RALGPS1: variants seen among roughly 807,000 people sequenced by gnomAD.
The protein encoded by RALGPS1 is ras-specific guanine nucleotide-releasing factor RalGPS1.
A neutral mutation model predicts 78.8 loss-of-function variants in RALGPS1; 19 were observed. That is an observed-to-expected ratio of 0.24 (90% CI 0.17 to 0.35). RALGPS1 has a LOEUF of 0.35. RALGPS1 is among the 10% of genes least tolerant of loss of function. RALGPS1 has a pLI of 1.00. For synonymous variants in RALGPS1, 228 were observed against 256.3 expected (o/e 0.89, Z 1.06); for missense variants, 454 against 688.3 (o/e 0.66, Z 3.81).
intron 18 of RALGPS1, among the ~76,000 whole-genome samples, chr9:127,215,109 AT>A (rs2062500812): frequency 6.6e-6 from 1 of 152,220 alleles, no homozygotes; most frequent in Admixed American, 6.5e-5. Flanking sequence ...CTGGGGGATG[AT>A]TATGAGCAGC....
chr9:127,089,218 A>C, intron 8 of RALGPS1: 2 of 1,485,408 alleles, frequency 1.3e-6, no homozygotes, highest in Non-Finnish European at 1.9e-6. Flanking sequence ...GCTTTCGGCA[A>C]AGCCCTCTCT....
chr9:126,965,325 C>T (rs2039369250), intron 2 of RALGPS1, among the ~76,000 whole-genome samples: 1 of 152,182 alleles, frequency 6.6e-6, no homozygotes, highest in South Asian at 2.1e-4. Context: ...CAATTTCCTG[C>T]AGTGACTTCA....
chr9:127,194,594 G>A (rs1363762042), intron 11 of RALGPS1, among the ~76,000 whole-genome samples: 1 of 152,142 alleles, frequency 6.6e-6, no homozygotes, highest in Admixed American at 6.5e-5. Flanking sequence ...TGTATTTTTA[G>A]TAGAGATGGG....
At chr9:127,215,011 A>G (rs990353148) in intron 18 of RALGPS1, among the ~76,000 whole-genome samples, 169 bp downstream of exon 18, 1 of 152,204 alleles carries the variant, frequency 6.6e-6, no homozygotes, top group African/African-American at 2.4e-5. Flanking sequence ...CCCCTTGCTC[A>G]GCTTAGAACT....
At chr9:127,099,069 G>T (rs539955172) in intron 8 of RALGPS1, among the ~76,000 whole-genome samples, 3 of 152,192 alleles carry the variant, frequency 2.0e-5, no homozygotes, top group Admixed American at 1.3e-4. Context: ...CCTGAGGTGT[G>T]GGGGGAGGAG....
chr9:127,174,014 A>G (rs1180209529), intron 10 of RALGPS1, among the ~76,000 whole-genome samples: 2 of 152,122 alleles, frequency 1.3e-5, no homozygotes, highest in Admixed American at 1.3e-4. Flanking sequence ...CTCTGTCTCA[A>G]AAAAGGGGAG....
At chr9:127,189,443 C>CA (rs2060898974) in intron 11 of RALGPS1, among the ~76,000 whole-genome samples, 1 of 152,156 alleles carries the variant, frequency 6.6e-6, no homozygotes, top group Non-Finnish European at 1.5e-5. Flanking sequence ...TCCATGCACC[C>CA]ACAAGGCCTA....
At chr9:127,007,824 C>T (rs1423414890) in intron 4 of RALGPS1, among the ~76,000 whole-genome samples, 2 of 152,020 alleles carry the variant, frequency 1.3e-5, no homozygotes, top group Non-Finnish European at 2.9e-5. Context: ...CCGCTGATAG[C>T]AGTAAGACAT....
chr9:127,163,483 GA>G (rs2059130327), intron 8 of RALGPS1, among the ~76,000 whole-genome samples: 1 of 152,198 alleles, frequency 6.6e-6, no homozygotes, highest in African/African-American at 2.4e-5. Flanking sequence ...AGGAAGAAAG[GA>G]AGTGGAAATG....
chr9:127,206,490 G>C (rs576852822), intron 14 of RALGPS1, among the ~76,000 whole-genome samples: 42 of 152,236 alleles, frequency 2.8e-4, no homozygotes, highest in African/African-American at 6.5e-4. Context: ...AAAACCATCA[G>C]ATCTTGTGAG....
At chr9:127,093,938 G>T in intron 8 of RALGPS1, 1 of 1,612,796 alleles carries the variant, frequency 6.2e-7, no homozygotes, top group South Asian at 1.1e-5. Flanking sequence ...TGGGGACACA[G>T]ACATGCATAT....
At chr9:126,936,383 G>A (rs1176000648) in intron 1 of RALGPS1, among the ~76,000 whole-genome samples, 1 of 152,172 alleles carries the variant, frequency 6.6e-6, no homozygotes, top group Non-Finnish European at 1.5e-5. Flanking sequence ...GTATATGAGA[G>A]ACTTTCTGGA....
At chr9:127,197,979 C>T (rs983639187) in intron 13 of RALGPS1, among the ~76,000 whole-genome samples, 11 of 152,168 alleles carry the variant, frequency 7.2e-5, no homozygotes, top group African/African-American at 2.7e-4. Flanking sequence ...AGCTGGGCGG[C>T]AAAACAGCTG....
chr9:126,938,757 C>G (rs2036496419), intron 1 of RALGPS1, among the ~76,000 whole-genome samples: 1 of 152,196 alleles, frequency 6.6e-6, no homozygotes, highest in African/African-American at 2.4e-5. Flanking sequence ...CACTTCACGA[C>G]AAATGTTTTG....
chr9:127,050,269 C>T (rs2048182430), intron 6 of RALGPS1, 137 bp downstream of exon 6: 2 of 738,478 alleles, frequency 2.7e-6, no homozygotes, highest in Non-Finnish European at 4.6e-6. Flanking sequence ...GGTGCTGTGG[C>T]TTGACTTCCC....
intron 4 of RALGPS1, among the ~76,000 whole-genome samples, chr9:127,010,913 T>C (rs2044279420): frequency 6.6e-6 from 1 of 152,238 alleles, no homozygotes; most frequent in Non-Finnish European, 1.5e-5. Flanking sequence ...TGGTCTCTGA[T>C]GTGCTGTCTC....
At chr9:126,984,149 G>C (rs150793071) in intron 4 of RALGPS1, among the ~76,000 whole-genome samples, 1 of 152,124 alleles carries the variant, frequency 6.6e-6, no homozygotes, top group African/African-American at 2.4e-5. Flanking sequence ...CTGTCACCTA[G>C]GCTCTAATGC....
intron 8 of RALGPS1, chr9:127,089,110 G>A: frequency 1.2e-6 from 2 of 1,614,208 alleles, no homozygotes; most frequent in South Asian, 2.2e-5. Flanking sequence ...TATACCACCA[G>A]CCTCCCTTCT....
intron 8 of RALGPS1, among the ~76,000 whole-genome samples, chr9:127,128,178 T>G (rs1347096768): frequency 6.6e-6 from 1 of 152,254 alleles, no homozygotes; most frequent in Non-Finnish European, 1.5e-5. Flanking sequence ...GGACATGAAC[T>G]CATCCTTTTT....
Sources: allele counts gnomAD v4.1 joint callset (sites outside exome capture counted in the v4.1 genomes callset), GRCh38; gene constraint gnomAD v4.1.1; transcripts MANE v1.5; gene names NCBI Gene and HGNC (gene_info 2026-07-23, HGNC 2026-07-21).